The following SPTBN1 variants were observed in gnomAD, a reference collection of about 807,000 sequenced individuals.
The protein encoded by SPTBN1 is spectrin beta chain, non-erythrocytic 1.
A neutral mutation model predicts 266.4 loss-of-function variants in SPTBN1; 32 were observed. The ratio of observed to expected loss-of-function variants is 0.12; its 90% CI spans 0.09 to 0.16. The LOEUF (loss-of-function observed/expected upper bound fraction) is 0.16, where lower values mean the gene tolerates loss of function less well. SPTBN1 is among the 10% of genes least tolerant of loss of function. The probability of loss-of-function intolerance (pLI) is 1.00; values close to 1 mark genes in which losing one functional copy is unlikely to be tolerated. For synonymous variants in SPTBN1, 1,336 were observed against 1,162.2 expected, an observed-to-expected ratio of 1.15 and a Z score of -3.04; for missense variants, 2,296 against 3,067.1, an observed-to-expected ratio of 0.75 and a Z score of 5.94.
intron 1 of SPTBN1, among the ~76,000 whole-genome samples, chr2:54,485,764 G>A (rs1269295080): frequency 6.6e-6 from 1 of 150,808 alleles, no homozygotes; most frequent in African/African-American, 2.4e-5. Flanking sequence ...CTTCCCGGCC[G>A]CCATCACATC....
chr2:54,655,840 A>G, intron 28 of SPTBN1, 74 bp from the exon 29 acceptor site: 5 of 1,109,532 alleles, frequency 4.5e-6, no homozygotes, highest in East Asian at 2.6e-5. Flanking sequence ...GTATTTTTCT[A>G]GTATAAAATG....
intron 3 of SPTBN1, among the ~76,000 whole-genome samples, chr2:54,607,617 A>AAC (rs1040312364): frequency 7.1e-6 from 1 of 141,662 alleles, no homozygotes; most frequent in African/African-American, 3.1e-5. Context: ...ACTCTGTCTC[A>AAC]AAAAAAAAAT....
At chr2:54,576,464 A>T (rs754264295) in intron 2 of SPTBN1, among the ~76,000 whole-genome samples, 1 of 149,776 alleles carries the variant, frequency 6.7e-6, no homozygotes, top group African/African-American at 2.5e-5. Context: ...TGTTACTTCA[A>T]TTTTTTTTTT....
chr2:54,622,198 C>G, intron 8 of SPTBN1, 102 bp from the exon 9 acceptor site: 1 of 1,302,874 alleles, frequency 7.7e-7, no homozygotes, highest in Non-Finnish European at 1.1e-6. Flanking sequence ...CAAACTGTTT[C>G]AAAGCCGGTC....
rs1230735704 is a variant in SPTBN1 at position 54,540,636 on chromosome 2, G to C, written c.148+14070G>C. 1 of 152,178 alleles carries C rather than the reference G, an allele frequency of 6.6e-6. No individual in the cohort carries two copies. Among genetic ancestry groups the C allele is most frequent in the Non-Finnish European group, 1.5e-5 (1 of 68,054 alleles). The allele number at this position is 152,178 out of a possible 1,614,324, so 9.4% of individuals were successfully genotyped here. A position where few individuals can be genotyped will look rare whatever the true frequency, so the allele number is the denominator to read the frequency against. The stretch of plus-strand genomic sequence containing the variant: ...TTGGATATCAGGGGCACTCAGTAGA[G>C]GGCATCTCTAAAGAAACTATCTCCC... On this transcript the variant is annotated intron_variant, in intron 2 of 35. Coordinates refer to ENST00000356805, the MANE Select transcript of SPTBN1 (RefSeq NM_003128.3). This position sits in a 1 kb window ranked among gnomAD's most constrained non-coding sequence, Gnocchi z 5.6.
rs769248194 is a variant in SPTBN1 at position 54,628,058 on chromosome 2, A to G, written c.1645-39A>G. ...ATGATGTGATGCTGAAGTCAAGGCT[A>G]TAGTCACAGATGTCCTTTTGGTTGC... On this transcript the variant is annotated intron_variant, in intron 12 of 35. Transcript: ENST00000356805. This position sits in a 1 kb window ranked among gnomAD's most constrained non-coding sequence, Gnocchi z 4.3. 7.0e-6 allele frequency: 11 copies of G among 1,576,800 alleles called. No homozygotes were observed. Among genetic ancestry groups the G allele is most frequent in the Admixed American group, 1.8e-5 (1 of 56,196 alleles).
At chr2:54,504,319 G>C (rs1669438419) in intron 1 of SPTBN1, among the ~76,000 whole-genome samples, 1 of 152,138 alleles carries the variant, frequency 6.6e-6, no homozygotes, top group Non-Finnish European at 1.5e-5. Context: ...TTAGCTAGTA[G>C]GAATATTTCC....
chr2:54,525,204 C>T (rs953595045), intron 1 of SPTBN1, among the ~76,000 whole-genome samples: 3 of 152,120 alleles, frequency 2.0e-5, no homozygotes. Flanking sequence ...TATTGAGCAT[C>T]TACCATGCAC....
intron 1 of SPTBN1, among the ~76,000 whole-genome samples, chr2:54,476,904 T>C (rs1293645051): frequency 6.6e-6 from 1 of 152,208 alleles, no homozygotes; most frequent in East Asian, 1.9e-4. Flanking sequence ...TTTAGTTGCC[T>C]TTGTGTTCTA....
chr2:54,506,310 A>C (rs1165095481), intron 1 of SPTBN1, among the ~76,000 whole-genome samples: 6 of 152,214 alleles, frequency 3.9e-5, no homozygotes, highest in Non-Finnish European at 2.9e-5. Flanking sequence ...ACCCTTGAGC[A>C]TGGCTGCTCA....
At position 54,511,259 on chromosome 2, in the gene SPTBN1, T is replaced by C. The variant is rs1029404900; in HGVS notation, c.-47-15113T>C. ...ATCCACATTTACTTTAACTGACTTTTGTTACCAAGCTTGATATTGAGTTCC... is the reference window on the plus strand; with the variant it reads ...ATCCACATTTACTTTAACTGACTTTCGTTACCAAGCTTGATATTGAGTTCC... On this transcript the variant is annotated intron_variant, in intron 1 of 35. Coordinates refer to ENST00000356805, the MANE Select transcript of SPTBN1 (RefSeq NM_003128.3). Among the ~76,000 whole-genome samples, 14 of 152,250 alleles carry C rather than the reference T, an allele frequency of 9.2e-5. No homozygotes were observed. The South Asian group carries it at 1.7e-3, about 18-fold the overall frequency.
chr2:54,644,424 C>G lies in SPTBN1; in HGVS notation c.4107C>G (p.Thr1369=), dbSNP rs777828797. Residue 1369 remains threonine, a synonymous_variant, in exon 20 of 36, where the codon ACC becomes ACG. Transcript: ENST00000356805. ...TGTGGGAAGTCCTTGAATCCACTAC[C>G]CAGACAAAGGCCCAGCGGCTCTTTG... is the stretch of plus-strand genomic sequence containing the variant. ...HKMWEVLEST[T]QTKAQRLFDA... 3.1e-6 allele frequency: 5 copies of G among 1,614,228 alleles called. No homozygotes were observed. The highest frequency in any genetic ancestry group is 2.2e-5 in the East Asian group (1 of 44,894).
intron 2 of SPTBN1, among the ~76,000 whole-genome samples, chr2:54,559,245 G>C (rs1192916404): frequency 5.9e-5 from 9 of 152,158 alleles, no homozygotes; most frequent in Non-Finnish European, 1.3e-4. Context: ...CCAGCCCCCA[G>C]CCTCTTACCT....
At chr2:54,615,563 T>G (rs1164186422) in intron 4 of SPTBN1, among the ~76,000 whole-genome samples, 1 of 152,244 alleles carries the variant, frequency 6.6e-6, no homozygotes, top group Non-Finnish European at 1.5e-5. Context: ...GCTGTGAGAT[T>G]AGCCACTGTC....
intron 1 of SPTBN1, among the ~76,000 whole-genome samples, chr2:54,520,142 GCCTGGGGATTATTGTTTCTT>G (rs947186855): frequency 1.3e-5 from 2 of 152,304 alleles, no homozygotes; most frequent in Admixed American, 6.5e-5. Flanking sequence ...CTGGAAAGTA[GCCTGGGGATTATTGTTTCTT>G]CATAAAACAA....
At chr2:54,518,372 G>C (rs1044295973) in intron 1 of SPTBN1, among the ~76,000 whole-genome samples, 1 of 150,820 alleles carries the variant, frequency 6.6e-6, no homozygotes, top group Non-Finnish European at 1.5e-5. Flanking sequence ...GGTAATGGGT[G>C]CAGCAAACCA....
At chr2:54,560,068 T>C (rs1275736827) in intron 2 of SPTBN1, among the ~76,000 whole-genome samples, 1 of 152,028 alleles carries the variant, frequency 6.6e-6, no homozygotes, top group East Asian at 1.9e-4. Context: ...CTCCCTTCGC[T>C]CTGGGGAACG....
chr2:54,655,431 A>G (rs1680586794), intron 28 of SPTBN1, among the ~76,000 whole-genome samples: 1 of 152,202 alleles, frequency 6.6e-6, no homozygotes. Context: ...AGGGCTACAA[A>G]ATGGACTCCG....
intron 2 of SPTBN1, chr2:54,557,938 G>T (rs1017185448): frequency 3.0e-6 from 3 of 985,392 alleles, no homozygotes; most frequent in East Asian, 1.1e-4. Flanking sequence ...GCGCACTGGG[G>T]CAGTCGCGCG....
Sources: allele counts gnomAD v4.1 joint callset (sites outside exome capture counted in the v4.1 genomes callset), GRCh38; gene constraint gnomAD v4.1.1; non-coding constraint Gnocchi (gnomAD v3.1); transcripts MANE v1.5; gene names NCBI Gene and HGNC (gene_info 2026-07-23, HGNC 2026-07-21).